Variants in MARCHF1 observed in about 807,000 individuals in gnomAD.
The protein encoded by MARCHF1 is membrane associated ring-CH-type finger 1, also known as E3 ubiquitin-protein ligase MARCHF1.
A neutral mutation model predicts 54.2 loss-of-function variants in MARCHF1; 40 were observed. The observed-to-expected ratio is 0.74, with a 90% CI of 0.57 to 0.96. The LOEUF (loss-of-function observed/expected upper bound fraction) is 0.96, where lower values mean the gene tolerates loss of function less well. MARCHF1 is among the 40% of genes least tolerant of loss of function. MARCHF1 has a pLI of 0.00. For synonymous variants in MARCHF1, 236 were observed against 236.3 expected, an observed-to-expected ratio of 1.00 and a Z score of 0.01; for missense variants, 586 against 656.5, an observed-to-expected ratio of 0.89 and a Z score of 1.17.
intron 3 of MARCHF1, among the ~76,000 whole-genome samples, chr4:163,881,194 G>T (rs930947037): frequency 1.3e-5 from 2 of 152,176 alleles, no homozygotes; most frequent in Non-Finnish European, 2.9e-5. Flanking sequence ...ATCCAACAAG[G>T]CCGGGCATGG....
intron 8 of MARCHF1, among the ~76,000 whole-genome samples, chr4:163,577,277 G>A (rs1740071923): frequency 1.3e-5 from 2 of 152,030 alleles, no homozygotes; most frequent in Non-Finnish European, 2.9e-5. Context: ...TGGTCTAGTG[G>A]TAACAAATTC....
chr4:163,929,943 ATAT>A lies in MARCHF1; in HGVS notation c.-39+58555_-39+58557del, dbSNP rs1751622418. ...AATATATATAATATATTATATATTT[ATAT>A]TATATATATTATATATAATATATAT... is the stretch of plus-strand genomic sequence containing the variant. On this transcript the variant is annotated intron_variant, in intron 3 of 9. Coordinates refer to ENST00000514618, the MANE Select transcript of MARCHF1 (RefSeq NM_001394959.1). Among the ~76,000 whole-genome samples the A allele has an allele frequency of 5.2e-4, 4 of 7,632 alleles. No homozygotes were observed. The Non-Finnish European group carries it at 0.019, about 36-fold the overall frequency. 5.0% of individuals were successfully genotyped at this position (7,632 alleles called of 152,430 possible).
At chr4:163,542,041 A>T (rs1200423037) in intron 9 of MARCHF1, among the ~76,000 whole-genome samples, 1 of 152,202 alleles carries the variant, frequency 6.6e-6, no homozygotes, top group African/African-American at 2.4e-5. Flanking sequence ...ATTACCACGG[A>T]CACTGCTTCT....
chr4:164,040,334 A>T (rs1164823886), intron 2 of MARCHF1, among the ~76,000 whole-genome samples: 1 of 131,908 alleles, frequency 7.6e-6, no homozygotes, highest in Non-Finnish European at 1.6e-5. Flanking sequence ...AAATACTTAT[A>T]CAATACTTAT....
chr4:163,742,839 A>G (rs1188406674), intron 4 of MARCHF1, among the ~76,000 whole-genome samples: 2 of 152,136 alleles, frequency 1.3e-5, no homozygotes, highest in Non-Finnish European at 2.9e-5. Flanking sequence ...ATTTTAAACT[A>G]TCACCCAATT....
intron 4 of MARCHF1, among the ~76,000 whole-genome samples, chr4:163,807,007 A>C (rs1309730128): frequency 6.6e-6 from 1 of 152,220 alleles, no homozygotes; most frequent in Non-Finnish European, 1.5e-5. Context: ...AGATGCCACA[A>C]AAGAGTATCA....
chr4:163,847,262 A>T (rs555233949), intron 4 of MARCHF1, among the ~76,000 whole-genome samples: 1 of 150,166 alleles, frequency 6.7e-6, no homozygotes, highest in East Asian at 1.9e-4. Flanking sequence ...CTTTTAATAC[A>T]TCTACTCTAC....
intron 1 of MARCHF1, among the ~76,000 whole-genome samples, chr4:164,314,107 G>A (rs964386381): frequency 1.3e-5 from 2 of 152,126 alleles, no homozygotes; most frequent in Non-Finnish European, 2.9e-5. Context: ...TTTCATTTAT[G>A]CCCATTCAGC....
chr4:164,186,586 AG>A (rs1730976722), intron 1 of MARCHF1, among the ~76,000 whole-genome samples: 1 of 152,194 alleles, frequency 6.6e-6, no homozygotes, highest in Non-Finnish European at 1.5e-5. Flanking sequence ...TGAGGTGAAG[AG>A]GAAAAGCTCT....
intron 5 of MARCHF1, among the ~76,000 whole-genome samples, chr4:163,689,654 T>A (rs900548706): frequency 1.1e-4 from 15 of 131,634 alleles, no homozygotes; most frequent in African/African-American, 4.9e-4. Flanking sequence ...CCTGCGTGGA[T>A]TTTTTTTTTT....
At chr4:163,714,858 T>A (rs996899961) in intron 4 of MARCHF1, among the ~76,000 whole-genome samples, 3 of 152,136 alleles carry the variant, frequency 2.0e-5, no homozygotes, top group Middle Eastern at 3.4e-3. Flanking sequence ...AACTTTTTAT[T>A]TTTTGTGGAG....
intron 3 of MARCHF1, among the ~76,000 whole-genome samples, chr4:163,861,343 C>T (rs1176022264): frequency 6.6e-6 from 1 of 151,940 alleles, no homozygotes; most frequent in East Asian, 1.9e-4. Flanking sequence ...ATATGTACAA[C>T]CAGAATACCA....
In MARCHF1 at chr4:164,139,145, C is replaced by T. The variant is rs1579564976; in HGVS notation, c.-322-27483G>A. 2.0e-5 allele frequency among the ~76,000 whole-genome samples: 3 copies of T among 152,054 alleles called. No homozygotes were observed. In the East Asian group the frequency reaches 5.8e-4, roughly 29 times the overall value. ...TATTTTGCAAAATTAGGAAACTTAG[C>T]TGGTTAATAACACAGAAAATCTCAG... On this transcript the variant is annotated intron_variant, in intron 1 of 9. Transcript: ENST00000514618.
At chr4:163,962,624 G>C (rs1752363480) in intron 3 of MARCHF1, among the ~76,000 whole-genome samples, 1 of 151,870 alleles carries the variant, frequency 6.6e-6, no homozygotes, top group South Asian at 2.1e-4. Flanking sequence ...GAATAATAAA[G>C]TTAGAAATTG....
intron 2 of MARCHF1, among the ~76,000 whole-genome samples, chr4:164,002,011 C>A (rs1315699834): frequency 6.6e-6 from 1 of 151,768 alleles, no homozygotes; most frequent in Non-Finnish European, 1.5e-5. Context: ...CCAGAACACT[C>A]ATACCTTATA....
At chr4:163,716,112 G>A (rs1745247258) in intron 4 of MARCHF1, among the ~76,000 whole-genome samples, 1 of 152,086 alleles carries the variant, frequency 6.6e-6, no homozygotes, top group Admixed American at 6.6e-5. Context: ...CTAGCTTTCT[G>A]AAACTCCTAA....
At chr4:164,310,058 A>T (rs1432968304) in intron 1 of MARCHF1, among the ~76,000 whole-genome samples, 1 of 151,698 alleles carries the variant, frequency 6.6e-6, no homozygotes, top group Non-Finnish European at 1.5e-5. Flanking sequence ...AGATTTTTTA[A>T]TTCTTTTTAT....
chr4:164,173,151 C>T (rs1730573840), intron 1 of MARCHF1, among the ~76,000 whole-genome samples: 2 of 152,192 alleles, frequency 1.3e-5, no homozygotes, highest in Non-Finnish European at 2.9e-5. Flanking sequence ...CTTAGACTTT[C>T]TGGAACCATT....
intron 5 of MARCHF1, among the ~76,000 whole-genome samples, chr4:163,669,271 T>C (rs1254536968): frequency 2.0e-5 from 3 of 152,212 alleles, no homozygotes; most frequent in African/African-American, 7.2e-5. Flanking sequence ...TAAGAGTGCT[T>C]CTCAGAAATA....
Sources: gnomAD v4.1 joint callset for allele counts (sites outside exome capture counted in the v4.1 genomes callset) on GRCh38, gnomAD v4.1.1 for gene constraint, MANE v1.5 for transcripts, NCBI Gene and HGNC (gene_info 2026-07-23, HGNC 2026-07-21) for gene names.